The following ATP8B1 variants were observed in gnomAD, a reference collection of about 807,000 sequenced individuals.
ATP8B1 encodes phospholipid-transporting ATPase IC.
A neutral mutation model predicts 149.9 loss-of-function variants in ATP8B1; 80 were observed. The observed-to-expected ratio is 0.53, with a 90% confidence interval of 0.45 to 0.64. The LOEUF is 0.64. Ranked by LOEUF, ATP8B1 falls within the 30% of genes least tolerant of loss-of-function variation. The pLI is 0.00. For synonymous variants in ATP8B1, 536 were observed against 562.8 expected (o/e 0.95, Z 0.67); for missense variants, 1,247 against 1,552.6 (o/e 0.80, Z 3.31).
At chr18:57,697,134 GCCTGTAAT>G (rs1328570387) in intron 8 of ATP8B1, among the ~76,000 whole-genome samples, 1 of 152,084 alleles carries the variant, frequency 6.6e-6, no homozygotes, top group Non-Finnish European at 1.5e-5. Flanking sequence ...GGGGGCTGGA[GCCTGTAAT>G]CTCAGTTACT....
chr18:57,767,819 T>A (rs2080227121), intron 1 of ATP8B1, among the ~76,000 whole-genome samples: 1 of 151,122 alleles, frequency 6.6e-6, no homozygotes, highest in African/African-American at 2.4e-5. Context: ...ACTTTCATCA[T>A]CCCAGAAAGT....
intron 2 of ATP8B1, among the ~76,000 whole-genome samples, chr18:57,716,391 A>G (rs1034757424): frequency 2.3e-4 from 35 of 152,080 alleles, no homozygotes; most frequent in African/African-American, 8.4e-4. Context: ...CTGTCAATCA[A>G]AAGATATAGA....
intron 15 of ATP8B1, among the ~76,000 whole-genome samples, chr18:57,680,300 A>C: frequency 1.4e-5 from 2 of 139,396 alleles, no homozygotes; most frequent in South Asian, 2.4e-4. Flanking sequence ...AAAAAAAAAA[A>C]AAGACTGGGT....
At chr18:57,659,794 T>C (rs1470895334) in intron 22 of ATP8B1, 4 of 152,100 alleles carry the variant, frequency 2.6e-5, no homozygotes, top group Non-Finnish European at 4.4e-5. Context: ...ATTCTTAGTA[T>C]ACATCAAGGA....
At position 57,648,186 on chromosome 18, in the gene ATP8B1, A is replaced by G; in HGVS notation, c.*302T>C. The stretch of plus-strand genomic sequence containing the variant: ...TTTATGGTAGAGACAGGGTTTCACC[A>G]TGTTGGCTGGGCTGGTCTCGAACTC... On this transcript the variant is annotated 3_prime_UTR_variant, in exon 28 of 28. Transcript: ENST00000648908. 2.1e-6 allele frequency: 1 copy of G among 486,184 alleles called. No individual in the cohort carries two copies. Among genetic ancestry groups the G allele is most frequent in the Non-Finnish European group, 3.8e-6 (1 of 266,092 alleles). The allele number at this position is 486,184 out of a possible 1,614,324, so 30.1% of individuals were successfully genotyped here.
chr18:57,696,732 G>A (rs184318294), intron 8 of ATP8B1, among the ~76,000 whole-genome samples: 1 of 152,260 alleles, frequency 6.6e-6, no homozygotes, highest in East Asian at 1.9e-4. Context: ...GTGTGACCTT[G>A]GGCGGGCTGC....
At chr18:57,757,454 C>A (rs1201645215) in intron 1 of ATP8B1, among the ~76,000 whole-genome samples, 1 of 152,156 alleles carries the variant, frequency 6.6e-6, no homozygotes, top group African/African-American at 2.4e-5. Context: ...AGCGGGGTGA[C>A]TTTGCTTCTT....
intron 1 of ATP8B1, chr18:57,740,481 C>T (rs2079901572): frequency 6.6e-6 from 1 of 151,850 alleles, no homozygotes; most frequent in Non-Finnish European, 1.5e-5. Flanking sequence ...TCTAAGATGG[C>T]CCCCAGTGAT....
rs758746529 is a variant in ATP8B1 at position 57,688,428 on chromosome 18, C to G, written c.1300G>C (p.Ala434Pro). The stretch of plus-strand genomic sequence containing the variant: ...TTGAGTGTGGTGGTTCTAGCTTTTG[C>G]GGGTGTGTCCTTCTCAGCATAGTAC... Reference protein sequence around the residue: ...QMYYAEKDTPAKARTTTLNEQ... With the variant: ...QMYYAEKDTPPKARTTTLNEQ... The change falls in exon 13 of 28, where the codon GCA becomes CCA. Residue 434 changes from alanine to proline, a missense_variant. Physicochemically the swap from Ala to Pro is conservative, Grantham distance 27 (BLOSUM62 -1). Transcript: ENST00000648908. 1.9e-6 allele frequency: 3 copies of G among 1,614,112 alleles called. No homozygotes were observed. The highest frequency in any genetic ancestry group is 1.1e-5 in the South Asian group (1 of 91,066).
intron 2 of ATP8B1, among the ~76,000 whole-genome samples, chr18:57,721,450 G>C (rs1295163280): frequency 1.4e-5 from 2 of 148,138 alleles, no homozygotes; most frequent in Non-Finnish European, 3.0e-5. Context: ...TGCAATCCTA[G>C]TCTCTGATAA....
chr18:57,703,554 C>T (rs527572156), intron 4 of ATP8B1, among the ~76,000 whole-genome samples: 7 of 137,898 alleles, frequency 5.1e-5, no homozygotes, highest in South Asian at 2.3e-4. Flanking sequence ...CCAGCCTGGA[C>T]GACAAGAGCG....
At chr18:57,771,427 C>T (rs1453707265) in intron 1 of ATP8B1, among the ~76,000 whole-genome samples, 1 of 151,500 alleles carries the variant, frequency 6.6e-6, no homozygotes, top group African/African-American at 2.4e-5. Flanking sequence ...CTTCCTGATC[C>T]TTCAATTCAC....
rs1363389415 is a variant in ATP8B1 at position 57,714,594 on chromosome 18, G to GA, written c.182-8008_182-8007insT. Among the ~76,000 whole-genome samples the GA allele has an allele frequency of 5.4e-5, 6 of 111,290 alleles. No individual in the cohort carries two copies. In the East Asian group the frequency reaches 1.7e-3, roughly 31 times the overall value. The allele number at this position is 111,290 out of a possible 152,430, so 73.0% of individuals were successfully genotyped here. A position where few individuals can be genotyped will look rare whatever the true frequency, so the allele number is the denominator to read the frequency against. The stretch of plus-strand genomic sequence containing the variant: ...AGGAGAAAGGGAGAGGAGGGAGGGG[G>GA]GAAGGGGGAGAGAGAAAGAGCAAAA... On this transcript the variant is annotated intron_variant, in intron 2 of 27. Transcript: ENST00000648908.
At position 57,802,672 on chromosome 18, in the gene ATP8B1, C is replaced by T. The variant is rs1365583709; in HGVS notation, c.-26+326G>A. Among the ~76,000 whole-genome samples the T allele has an allele frequency of 2.6e-5, 4 of 152,246 alleles. No individual in the cohort carries two copies. Among genetic ancestry groups the T allele is most frequent in the Non-Finnish European group, 5.9e-5 (4 of 68,038 alleles). ...AGCCGCAAGCCCTACCTGGCTTAAC[C>T]CCCGGACATGTGTGTCGCTACCGAT... is the stretch of plus-strand genomic sequence containing the variant. On this transcript the variant is annotated intron_variant, in intron 1 of 27. Transcript: ENST00000648908. The surrounding 1 kb of genome is among the most constrained non-coding windows in gnomAD (Gnocchi z 4.9).
At chr18:57,706,367 A>T (rs1024244676) in intron 3 of ATP8B1, 123 bp downstream of exon 3, 16 of 760,716 alleles carry the variant, frequency 2.1e-5, no homozygotes, top group Non-Finnish European at 3.4e-5. Context: ...AACAATGATG[A>T]TTATCAGTAG....
chr18:57,693,594 G>C (rs1912653669), intron 11 of ATP8B1, among the ~76,000 whole-genome samples: 1 of 152,050 alleles, frequency 6.6e-6, no homozygotes. Context: ...TGTAATCCCA[G>C]CTACTTGGGA....
chr18:57,701,355 T>C (rs1240439135), intron 4 of ATP8B1, 42 bp from the exon 5 acceptor site: 1 of 1,550,346 alleles, frequency 6.5e-7, no homozygotes, highest in Non-Finnish European at 8.9e-7. Context: ...CATGAAGGCA[T>C]ATCAAGCTTA....
chr18:57,702,867 A>AG (rs931904575), intron 4 of ATP8B1, among the ~76,000 whole-genome samples: 1 of 152,030 alleles, frequency 6.6e-6, no homozygotes, highest in East Asian at 1.9e-4. Context: ...CAAAAAAAAA[A>AG]AAAAAAGAGA....
chr18:57,745,115 A>C (rs1370213371), intron 1 of ATP8B1, among the ~76,000 whole-genome samples: 1 of 152,222 alleles, frequency 6.6e-6, no homozygotes, highest in Non-Finnish European at 1.5e-5. Context: ...AGATGAATGA[A>C]TCCTCACCCA....
Sources: gnomAD v4.1 joint callset for allele counts (sites outside exome capture counted in the v4.1 genomes callset) on GRCh38, gnomAD v4.1.1 for gene constraint, Gnocchi (gnomAD v3.1) non-coding constraint, MANE v1.5 for transcripts, NCBI Gene and HGNC (gene_info 2026-07-23, HGNC 2026-07-21) for gene names.